PIP4P2: variants seen among roughly 807,000 people sequenced by gnomAD.
PIP4P2 encodes phosphatidylinositol-4,5-bisphosphate 4-phosphatase 2.
In PIP4P2, 19 loss-of-function variants were observed where a neutral mutation model predicts 33.3. The ratio of observed to expected loss-of-function variants is 0.57; its 90% CI spans 0.40 to 0.84. The LOEUF (loss-of-function observed/expected upper bound fraction) is 0.84. Ranked by LOEUF, PIP4P2 falls within the 40% of genes least tolerant of loss-of-function variation. PIP4P2 has a pLI of 0.00. For missense variants in PIP4P2, 270 were observed against 324.7 expected, an observed-to-expected ratio of 0.83 and a Z score of 1.29; for synonymous variants, 110 against 111.9, an observed-to-expected ratio of 0.98 and a Z score of 0.11.
intron 1 of PIP4P2, among the ~76,000 whole-genome samples, chr8:91,024,135 A>C (rs1337337871): frequency 6.6e-6 from 1 of 152,102 alleles, no homozygotes; most frequent in African/African-American, 2.4e-5. Flanking sequence ...AATCCAAGAG[A>C]TCAATAGAAT....
At chr8:91,001,841 T>C (rs1257117628) in intron 5 of PIP4P2, among the ~76,000 whole-genome samples, 1 of 152,036 alleles carries the variant, frequency 6.6e-6, no homozygotes, top group Non-Finnish European at 1.5e-5. Flanking sequence ...CATGCATAGT[T>C]TGGGGGTGCT....
intron 4 of PIP4P2, chr8:91,016,590 C>A (rs995253014): frequency 1.8e-4 from 27 of 152,240 alleles, no homozygotes; most frequent in African/African-American, 6.3e-4. Context: ...AATGTAAGAT[C>A]AGATTAAAAA....
At chr8:91,028,982 C>T (rs947436518) in intron 1 of PIP4P2, among the ~76,000 whole-genome samples, 1 of 152,090 alleles carries the variant, frequency 6.6e-6, no homozygotes, top group African/African-American at 2.4e-5. Flanking sequence ...ATGGATTAAT[C>T]GAATTTTATT....
chr8:91,019,273 CT>C lies in PIP4P2; in HGVS notation c.363-761del, dbSNP rs1051693601. Among the ~76,000 whole-genome samples the C allele has an allele frequency of 2.6e-3, 367 of 142,248 alleles. 1 individual carries two copies. The highest frequency in any genetic ancestry group is 4.9e-3 in the African/African-American group (193 of 39,018). 93.3% of individuals were successfully genotyped at this position (142,248 alleles called of 152,430 possible). On this transcript the variant is annotated intron_variant, in intron 3 of 6. Coordinates refer to ENST00000285419, the MANE Select transcript of PIP4P2 (RefSeq NM_018710.3). ...ATATCAAAAGTAAACTAAGTGATTA[CT>C]TTTTTTTTTTTAAGAGATGGGCCAG... is the stretch of plus-strand genomic sequence containing the variant.
intron 1 of PIP4P2, among the ~76,000 whole-genome samples, chr8:91,038,593 G>A (rs1315885601): frequency 6.6e-6 from 1 of 152,148 alleles, no homozygotes; most frequent in African/African-American, 2.4e-5. Context: ...CTAGAGCAGT[G>A]TATGGCACAT....
intron 3 of PIP4P2, among the ~76,000 whole-genome samples, chr8:91,019,523 G>A (rs1455433574): frequency 6.7e-6 from 1 of 148,596 alleles, no homozygotes; most frequent in Non-Finnish European, 1.5e-5. Flanking sequence ...AGGTCACAGT[G>A]AGCCAACTCT....
chr8:90,998,538 T>C (rs1811659761), intron 5 of PIP4P2, among the ~76,000 whole-genome samples: 1 of 151,880 alleles, frequency 6.6e-6, no homozygotes, highest in Admixed American at 6.6e-5. Flanking sequence ...GCAATATATA[T>C]TACTGGTACA....
chr8:91,012,740 G>C (rs1045837045), intron 4 of PIP4P2, among the ~76,000 whole-genome samples: 1 of 152,160 alleles, frequency 6.6e-6, no homozygotes, highest in Non-Finnish European at 1.5e-5. Context: ...GCCAGCTTTA[G>C]AAGTTAGTCT....
chr8:91,011,019 G>GAGAT (rs3084284), intron 4 of PIP4P2, among the ~76,000 whole-genome samples: 28,128 of 145,152 alleles, frequency 0.19, 3,030 homozygotes, highest in African/African-American at 0.28. Flanking sequence ...GTATCTTACT[G>GAGAT]AGATAGATAG....
intron 3 of PIP4P2, among the ~76,000 whole-genome samples, chr8:91,019,766 A>G (rs1027085368): frequency 2.0e-5 from 3 of 152,156 alleles, no homozygotes; most frequent in East Asian, 1.9e-4. Context: ...GGGTCTCACT[A>G]TGTTGCTCAG....
chr8:91,027,148 A>T (rs1324485282), intron 1 of PIP4P2, among the ~76,000 whole-genome samples: 1 of 152,256 alleles, frequency 6.6e-6, no homozygotes, highest in Non-Finnish European at 1.5e-5. Context: ...AAATTATAAC[A>T]TCAAGTAATT....
intron 1 of PIP4P2, among the ~76,000 whole-genome samples, chr8:91,029,477 T>G (rs1195282646): frequency 6.6e-6 from 1 of 152,126 alleles, no homozygotes; most frequent in Non-Finnish European, 1.5e-5. Flanking sequence ...TGTTCCCACA[T>G]TCCTCCAGCA....
rs890824379 is a variant in PIP4P2, at chr8:90,993,936, A to C, written c.*1741T>G. Reference sequence around the variant, plus strand: ...AGACTACCAGGGTTCTTGCTCTCATAAAGTTATTATTCCAGAAGGAATATG... The same window carrying C: ...AGACTACCAGGGTTCTTGCTCTCATCAAGTTATTATTCCAGAAGGAATATG... On this transcript the variant is annotated 3_prime_UTR_variant, in exon 7 of 7. Coordinates refer to ENST00000285419, the MANE Select transcript of PIP4P2 (RefSeq NM_018710.3). 2 of 152,192 alleles carry C rather than the reference A, an allele frequency of 1.3e-5. No homozygotes were observed. Among genetic ancestry groups the C allele is most frequent in the Non-Finnish European group, 2.9e-5 (2 of 68,016 alleles). 9.4% of individuals were successfully genotyped at this position (152,192 alleles called of 1,614,324 possible).
intron 4 of PIP4P2, among the ~76,000 whole-genome samples, chr8:91,011,938 A>G (rs1458260328): frequency 6.6e-6 from 1 of 151,916 alleles, no homozygotes; most frequent in African/African-American, 2.4e-5. Flanking sequence ...AAATTAAATT[A>G]TTTTTAAGTA....
chr8:91,026,364 C>T (rs1047895590), intron 1 of PIP4P2, among the ~76,000 whole-genome samples: 1 of 152,054 alleles, frequency 6.6e-6, no homozygotes, highest in South Asian at 2.1e-4. Context: ...GTGTAGACCC[C>T]CACACCAAAT....
intron 4 of PIP4P2, among the ~76,000 whole-genome samples, chr8:91,014,950 T>C (rs1390786811): frequency 6.6e-6 from 1 of 151,942 alleles, no homozygotes; most frequent in Non-Finnish European, 1.5e-5. Flanking sequence ...AAAACAGAAG[T>C]ATTGATTGCA....
intron 1 of PIP4P2, among the ~76,000 whole-genome samples, chr8:91,038,926 T>C (rs1441932249): frequency 1.3e-5 from 2 of 152,202 alleles, no homozygotes; most frequent in Non-Finnish European, 2.9e-5. Context: ...CACTACTTTT[T>C]CTCAGTGGCT....
chr8:91,036,929 T>C (rs945434143), intron 1 of PIP4P2, among the ~76,000 whole-genome samples: 2 of 152,190 alleles, frequency 1.3e-5, no homozygotes, highest in African/African-American at 4.8e-5. Context: ...GTCTGAGGGC[T>C]GGTCAGGCAT....
chr8:91,015,444 G>A (rs1811902143), intron 4 of PIP4P2, among the ~76,000 whole-genome samples: 1 of 152,002 alleles, frequency 6.6e-6, no homozygotes, highest in Admixed American at 6.6e-5. Flanking sequence ...ATAAACTTCT[G>A]CATAAAACTT....
Sources: allele counts gnomAD v4.1 joint callset (sites outside exome capture counted in the v4.1 genomes callset), GRCh38; gene constraint gnomAD v4.1.1; transcripts MANE v1.5; gene names NCBI Gene and HGNC (gene_info 2026-07-23, HGNC 2026-07-21).